GLRA2: variants seen among roughly 807,000 people sequenced by gnomAD.
GLRA2 encodes the protein glycine receptor subunit alpha-2.
In GLRA2, 11 loss-of-function variants were observed where a neutral mutation model predicts 31.6. The ratio of observed to expected loss-of-function variants is 0.35; its 90% CI spans 0.22 to 0.58. The LOEUF is 0.58. Among genes scored for constraint, GLRA2 ranks in the 20% least tolerant of loss-of-function variants. The pLI, the probability that GLRA2 is intolerant of heterozygous loss-of-function variation, is 0.84. For synonymous variants in GLRA2, 132 were observed against 134.0 expected, an observed-to-expected ratio of 0.99 and a Z score of 0.10; for missense variants, 212 against 351.8, an observed-to-expected ratio of 0.60 and a Z score of 3.18.
At chrX:14,705,316 T>A (rs1013505908) in intron 8 of GLRA2, among the ~76,000 whole-genome samples, 28 of 111,655 alleles carry the variant, frequency 2.5e-4, no homozygotes, top group Non-Finnish European at 4.3e-4. Context: ...CCAGGAGCTA[T>A]TTTTCCCCAC....
At chrX:14,527,739 G>A (rs1313677845), upstream of GLRA2, among the ~76,000 whole-genome samples, 4 of 111,370 alleles carry the variant, frequency 3.6e-5, no homozygotes, top group South Asian at 1.1e-3. Flanking sequence ...AAAGAATCTT[G>A]AACACAAAAA....
intron 7 of GLRA2, among the ~76,000 whole-genome samples, chrX:14,681,910 A>AATATATAT (rs1556060452): frequency 7.3e-4 from 30 of 41,268 alleles, no homozygotes; most frequent in African/African-American, 3.3e-3. Context: ...AAAAAAAAAA[A>AATATATAT]ATATATATAT....
At chrX:14,592,755 T>C in intron 4 of GLRA2, among the ~76,000 whole-genome samples, 1 of 112,603 alleles carries the variant, frequency 8.9e-6, no homozygotes, top group East Asian at 2.8e-4. Context: ...AGTCGTAAAC[T>C]AGATCATTTG....
chrX:14,690,412 T>A (rs974445414), intron 7 of GLRA2, among the ~76,000 whole-genome samples: 5 of 111,932 alleles, frequency 4.5e-5, no homozygotes, highest in African/African-American at 1.6e-4. Flanking sequence ...TATTTATTTG[T>A]AGTGAGAACA....
the GLRA2 span, among the ~76,000 whole-genome samples, chrX:14,477,887 C>T: frequency 9.0e-6 from 1 of 110,921 alleles, no homozygotes; most frequent in Non-Finnish European, 1.9e-5. Context: ...GCCTAGGCTT[C>T]CCATGCACAG....
chrX:14,652,503 C>T (rs1430405276), intron 7 of GLRA2, among the ~76,000 whole-genome samples: 3 of 111,762 alleles, frequency 2.7e-5, no homozygotes, highest in African/African-American at 9.8e-5. Context: ...CACCCCTTTT[C>T]CCACAGCATG....
chrX:14,706,255 C>T (rs766878652), intron 8 of GLRA2, among the ~76,000 whole-genome samples: 4 of 111,430 alleles, frequency 3.6e-5, no homozygotes, highest in Non-Finnish European at 7.5e-5. Context: ...CTACCCCAGA[C>T]GTGTGGAATC....
intron 7 of GLRA2, among the ~76,000 whole-genome samples, chrX:14,681,933 A>ATG (rs2091215074): frequency 1.7e-4 from 14 of 84,586 alleles, no homozygotes; most frequent in African/African-American, 5.8e-4. Context: ...ATATATATGT[A>ATG]TATATATGTG....
At chrX:14,651,113 C>A (rs186241505) in intron 7 of GLRA2, among the ~76,000 whole-genome samples, 75 of 111,893 alleles carry the variant, frequency 6.7e-4, no homozygotes, top group South Asian at 5.2e-3. Context: ...AGTGTGCCAT[C>A]TCTGAGATAA....
chrX:14,508,397 ACAAT>A, the GLRA2 span, among the ~76,000 whole-genome samples: 3 of 112,455 alleles, frequency 2.7e-5, no homozygotes, highest in East Asian at 2.8e-4. Flanking sequence ...TCTAAAGAAA[ACAAT>A]CAATTCTAAA....
chrX:14,551,875 G>T (rs1445132925), intron 2 of GLRA2, among the ~76,000 whole-genome samples: 6 of 111,686 alleles, frequency 5.4e-5, no homozygotes, highest in Non-Finnish European at 1.1e-4. Context: ...CTTGCTCAGG[G>T]AATAGGAAAG....
At chrX:14,583,729 ACT>A (rs1406992501) in intron 4 of GLRA2, among the ~76,000 whole-genome samples, 3 of 111,344 alleles carry the variant, frequency 2.7e-5, no homozygotes, top group Non-Finnish European at 5.7e-5. Flanking sequence ...ACAGAGTGAG[ACT>A]CTGTGTCAAC....
At chrX:14,568,336 A>T (rs1183179312) in intron 2 of GLRA2, among the ~76,000 whole-genome samples, 1 of 111,970 alleles carries the variant, frequency 8.9e-6, no homozygotes, top group Admixed American at 9.4e-5. Flanking sequence ...ACCTATGGCC[A>T]GTTGATTTTG....
intron 2 of GLRA2, among the ~76,000 whole-genome samples, chrX:14,564,453 A>T (rs2089776107): frequency 8.9e-6 from 1 of 111,992 alleles, no homozygotes; most frequent in South Asian, 3.7e-4. Flanking sequence ...ACGAGAAATG[A>T]TAAAGGGAGT....
At chrX:14,560,881 T>C (rs1262278105) in intron 2 of GLRA2, among the ~76,000 whole-genome samples, 1 of 108,185 alleles carries the variant, frequency 9.2e-6, no homozygotes, top group East Asian at 2.9e-4. Context: ...AACATATATA[T>C]ATATACATAC....
intron 7 of GLRA2, among the ~76,000 whole-genome samples, chrX:14,624,060 T>G (rs1047985318): frequency 1.8e-5 from 2 of 111,625 alleles, no homozygotes; most frequent in Admixed American, 9.5e-5. Context: ...AACTTCTTCC[T>G]GGTTTTGTCT....
At chrX:14,577,884 C>T (rs2089974403) in intron 3 of GLRA2, among the ~76,000 whole-genome samples, 2 of 111,719 alleles carry the variant, frequency 1.8e-5, no homozygotes, top group African/African-American at 6.5e-5. Context: ...GATAGTTTCA[C>T]AAAATTTGAC....
chrX:14,604,238 G>C (rs2090306874), intron 4 of GLRA2, 77 bp from the exon 5 acceptor site: 2 of 566,955 alleles, frequency 3.5e-6, no homozygotes, highest in Admixed American at 2.5e-5. Context: ...TTAATGCCAA[G>C]TGTATTTTGT....
chrX:14,493,770 C>T, the GLRA2 span, among the ~76,000 whole-genome samples: 1 of 98,333 alleles, frequency 1.0e-5, no homozygotes, highest in South Asian at 4.4e-4. Context: ...CATATGTATA[C>T]ATATATATAT....
Sources: gnomAD v4.1 joint callset for allele counts (sites outside exome capture counted in the v4.1 genomes callset) on GRCh38, gnomAD v4.1.1 for gene constraint, MANE v1.5 for transcripts, NCBI Gene and HGNC (gene_info 2026-07-23, HGNC 2026-07-21) for gene names.